The following PTPRD variants were observed in gnomAD, a reference collection of about 807,000 sequenced individuals.
PTPRD encodes the protein protein tyrosine phosphatase receptor type D, also known as receptor-type tyrosine-protein phosphatase delta.
Under a neutral mutation model 214.5 loss-of-function variants are expected in PTPRD, and 34 were observed. The ratio of observed to expected loss-of-function variants is 0.16; its 90% CI spans 0.12 to 0.21. The LOEUF (loss-of-function observed/expected upper bound fraction) is 0.21. Ranked by LOEUF, PTPRD falls within the 10% of genes least tolerant of loss-of-function variation. The pLI is 1.00. For synonymous variants in PTPRD, 1,128 were observed against 845.7 expected, an observed-to-expected ratio of 1.33 and a Z score of -5.79; for missense variants, 2,545 against 2,398.7, an observed-to-expected ratio of 1.06 and a Z score of -1.27.
chr9:9,139,315 T>A (rs1569551733), intron 10 of PTPRD, among the ~76,000 whole-genome samples: 1 of 152,178 alleles, frequency 6.6e-6, no homozygotes, highest in South Asian at 2.1e-4. Context: ...TGTTTCTTTA[T>A]AATGTTGATG....
chr9:9,546,031 A>G (rs1205107378), intron 8 of PTPRD, among the ~76,000 whole-genome samples: 1 of 151,598 alleles, frequency 6.6e-6, no homozygotes, highest in African/African-American at 2.4e-5. Flanking sequence ...TAAGTACTTC[A>G]TTCTTTTGGT....
intron 8 of PTPRD, among the ~76,000 whole-genome samples, chr9:9,402,013 G>A (rs911922254): frequency 1.3e-5 from 2 of 152,014 alleles, no homozygotes; most frequent in Non-Finnish European, 2.9e-5. Context: ...GTGTGAGAAT[G>A]GACTAATGCA....
At chr9:10,342,149 G>A (rs746478951) in intron 2 of PTPRD, among the ~76,000 whole-genome samples, 13 of 151,932 alleles carry the variant, frequency 8.6e-5, no homozygotes, top group Non-Finnish European at 1.6e-4. Context: ...TAATTAGTAT[G>A]GACTTCACTT....
chr9:9,111,199 C>G (rs918367656), intron 10 of PTPRD, among the ~76,000 whole-genome samples: 2 of 128,062 alleles, frequency 1.6e-5, no homozygotes, highest in African/African-American at 5.8e-5. Context: ...AATAGAAATT[C>G]ATTAGATAAA....
chr9:10,248,117 G>A (rs1428253756), intron 3 of PTPRD, among the ~76,000 whole-genome samples: 2 of 152,100 alleles, frequency 1.3e-5, no homozygotes, highest in Admixed American at 6.6e-5. Context: ...ATGTGGAACT[G>A]TAAGTCCAAT....
intron 10 of PTPRD, among the ~76,000 whole-genome samples, chr9:9,050,455 G>A (rs1167041696): frequency 6.6e-6 from 1 of 152,084 alleles, no homozygotes; most frequent in Non-Finnish European, 1.5e-5. Context: ...GTCCCTACAT[G>A]CCAAGTATAA....
intron 11 of PTPRD, among the ~76,000 whole-genome samples, chr9:9,000,863 A>T (rs1197560207): frequency 6.6e-6 from 1 of 151,964 alleles, no homozygotes; most frequent in East Asian, 1.9e-4. Flanking sequence ...AACCACAAGA[A>T]ATAACCAGGT....
intron 5 of PTPRD, among the ~76,000 whole-genome samples, chr9:9,810,355 G>C (rs889058587): frequency 6.6e-6 from 1 of 151,976 alleles, no homozygotes; most frequent in African/African-American, 2.4e-5. Flanking sequence ...TGGCAAAAAA[G>C]GAGACGTCAA....
chr9:8,623,706 G>A lies in PTPRD; in HGVS notation c.352+9611C>T, dbSNP rs371415164. On this transcript the variant is annotated intron_variant, in intron 14 of 45. Transcript: ENST00000381196. ...TCATCCTCTTAAGTTTACTCAATAG[G>A]TCTTCTTATCTCGACTTGATAGACA... Among the ~76,000 whole-genome samples, 52 of 151,860 alleles carry A rather than the reference G, an allele frequency of 3.4e-4. 1 individual carries two copies. The East Asian group carries it at 9.6e-3, about 28-fold the overall frequency.
intron 5 of PTPRD, among the ~76,000 whole-genome samples, chr9:9,894,990 T>C (rs1481245506): frequency 2.6e-5 from 4 of 152,058 alleles, no homozygotes; most frequent in Admixed American, 1.3e-4. Context: ...AAAATCTTTC[T>C]AGAAAAAAGC....
At chr9:10,377,566 T>C (rs560430170) in intron 2 of PTPRD, among the ~76,000 whole-genome samples, 1 of 152,130 alleles carries the variant, frequency 6.6e-6, no homozygotes, top group African/African-American at 2.4e-5. Context: ...CTTGCAATAG[T>C]TTGCTGAGAA....
chr9:10,356,388 T>C (rs184178209), intron 2 of PTPRD, among the ~76,000 whole-genome samples: 1 of 152,362 alleles, frequency 6.6e-6, no homozygotes, highest in Admixed American at 6.5e-5. Flanking sequence ...GTTTGTTCTA[T>C]ATACTCAAAA....
intron 2 of PTPRD, among the ~76,000 whole-genome samples, chr9:10,596,062 C>T (rs760163373): frequency 2.0e-5 from 3 of 151,648 alleles, no homozygotes; most frequent in Admixed American, 6.6e-5. Flanking sequence ...TAGATACATG[C>T]GTTTATACCT....
In PTPRD at chr9:9,012,426, G is replaced by C. The variant is rs190586206; in HGVS notation, c.-104+6271C>G. 5.9e-5 allele frequency among the ~76,000 whole-genome samples: 9 copies of C among 152,298 alleles called. No individual in the cohort carries two copies. The East Asian group carries it at 1.7e-3, about 29-fold the overall frequency. Reference sequence around the variant, plus strand: ...TACTTAGTTAATAAACATTGACTGAGTGAGGACCATAAGCCAAGCATTATT... The same window carrying C: ...TACTTAGTTAATAAACATTGACTGACTGAGGACCATAAGCCAAGCATTATT... On this transcript the variant is annotated intron_variant, in intron 11 of 45. Transcript: ENST00000381196.
intron 10 of PTPRD, among the ~76,000 whole-genome samples, chr9:9,025,325 T>C (rs908465201): frequency 6.6e-5 from 10 of 152,168 alleles, no homozygotes; most frequent in African/African-American, 2.4e-4. Context: ...TCCTATGTTC[T>C]GATAAGCTGA....
chr9:8,484,967 G>A (rs949666955), intron 29 of PTPRD, among the ~76,000 whole-genome samples: 2 of 152,190 alleles, frequency 1.3e-5, no homozygotes, highest in Admixed American at 6.5e-5. Flanking sequence ...CACTAGCTTA[G>A]ATGTAAAAAG....
chr9:8,729,128 G>C (rs2098626279), intron 12 of PTPRD, among the ~76,000 whole-genome samples: 1 of 152,092 alleles, frequency 6.6e-6, no homozygotes, highest in Admixed American at 6.5e-5. Context: ...AATTTCTATA[G>C]TTCCTTCCTG....
intron 3 of PTPRD, among the ~76,000 whole-genome samples, chr9:10,223,670 AAATAAT>A (rs67338126): frequency 0.018 from 2,435 of 134,316 alleles, 31 homozygotes; most frequent in Middle Eastern, 0.065. Flanking sequence ...ATTCTGTCTC[AAATAAT>A]AATAATAATA....
At chr9:10,126,788 A>G (rs2098823103) in intron 3 of PTPRD, among the ~76,000 whole-genome samples, 1 of 152,120 alleles carries the variant, frequency 6.6e-6, no homozygotes, top group Non-Finnish European at 1.5e-5. Flanking sequence ...CTCCATCACT[A>G]ACTGATAAGG....
Sources: gnomAD v4.1 joint callset for allele counts (sites outside exome capture counted in the v4.1 genomes callset) on GRCh38, gnomAD v4.1.1 for gene constraint, MANE v1.5 for transcripts, NCBI Gene and HGNC (gene_info 2026-07-23, HGNC 2026-07-21) for gene names.